Variants in CARNMT1 observed in about 807,000 individuals in gnomAD.
The protein encoded by CARNMT1 is carnosine N-methyltransferase 1.
A neutral mutation model predicts 49.6 loss-of-function variants in CARNMT1; 28 were observed. The ratio of observed to expected loss-of-function variants is 0.56; its 90% CI spans 0.42 to 0.77. The LOEUF (loss-of-function observed/expected upper bound fraction) is 0.77, where lower values mean the gene tolerates loss of function less well. Ranked by LOEUF, CARNMT1 falls within the 30% of genes least tolerant of loss-of-function variation. The pLI, the probability that CARNMT1 is intolerant of heterozygous loss-of-function variation, is 0.00. For missense variants in CARNMT1, 421 were observed against 512.6 expected (o/e 0.82, Z 1.73); for synonymous variants, 178 against 175.0 (o/e 1.02, Z -0.13).
intron 6 of CARNMT1, among the ~76,000 whole-genome samples, chr9:74,995,118 A>C (rs1833147967): frequency 1.3e-5 from 2 of 152,208 alleles, no homozygotes; most frequent in Admixed American, 1.3e-4. Context: ...AATACATAAA[A>C]CCTTACCATA....
intron 1 of CARNMT1, among the ~76,000 whole-genome samples, chr9:75,024,842 T>G (rs576695839): frequency 6.6e-6 from 1 of 152,312 alleles, no homozygotes; most frequent in South Asian, 2.1e-4. Context: ...CACACCTAAC[T>G]TTGATTCACC....
intron 3 of CARNMT1, among the ~76,000 whole-genome samples, chr9:75,009,408 T>C (rs905953588): frequency 7.2e-5 from 11 of 152,050 alleles, no homozygotes; most frequent in African/African-American, 2.4e-4. Flanking sequence ...AGTATTTTTT[T>C]TTTCTTTTCG....
At chr9:75,019,288 T>C (rs536073145) in intron 1 of CARNMT1, among the ~76,000 whole-genome samples, 20 of 152,314 alleles carry the variant, frequency 1.3e-4, no homozygotes, top group Non-Finnish European at 2.5e-4. Context: ...TGGTATGGCA[T>C]CTTATGACAA....
chr9:75,025,864 T>C (rs1026970765), intron 1 of CARNMT1, among the ~76,000 whole-genome samples: 9 of 152,198 alleles, frequency 5.9e-5, no homozygotes, highest in African/African-American at 1.7e-4. Flanking sequence ...CATGTAGCTA[T>C]TGAGCACCTG....
intron 5 of CARNMT1, 129 bp downstream of exon 5, chr9:74,998,469 A>C (rs1833260373): frequency 1.5e-6 from 1 of 681,682 alleles, no homozygotes; most frequent in Non-Finnish European, 2.2e-6. Flanking sequence ...AAACATTCTA[A>C]ATTGACACTG....
chr9:74,982,337 T>C lies in CARNMT1; in HGVS notation c.*1430A>G, dbSNP rs1587647381. ...AAGCAATCACAATCATCTGTGAAAATATTCAAGAAGAGTTCTTCCTTTTCT... is the reference window on the plus strand; with the variant it reads ...AAGCAATCACAATCATCTGTGAAAACATTCAAGAAGAGTTCTTCCTTTTCT... On this transcript the variant is annotated 3_prime_UTR_variant, in exon 8 of 8. Coordinates refer to ENST00000376834, the MANE Select transcript of CARNMT1 (RefSeq NM_152420.3). The C allele has an allele frequency of 6.6e-6, 1 of 152,192 alleles. No homozygotes were observed. The highest frequency in any genetic ancestry group is 1.9e-4 in the East Asian group (1 of 5,200). The allele number at this position is 152,192 out of a possible 1,614,324, so 9.4% of individuals were successfully genotyped here. A position where few individuals can be genotyped will look rare whatever the true frequency, so the allele number is the denominator to read the frequency against.
At position 74,985,335 on chromosome 9, in the gene CARNMT1, A is replaced by G. The variant is rs577073895; in HGVS notation, c.1025-325T>C. On this transcript the variant is annotated intron_variant, in intron 6 of 7. Transcript: ENST00000376834. ...CAAATTCCAAATGTATTCTGCAATT[A>G]TAATTCCATAAGCAAATGCAAAACT... 1.2e-4 allele frequency among the ~76,000 whole-genome samples: 18 copies of G among 152,360 alleles called. No homozygotes were observed. The East Asian group carries it at 3.1e-3, about 26-fold the overall frequency.
At chr9:75,020,734 G>T (rs1314464402) in intron 1 of CARNMT1, among the ~76,000 whole-genome samples, 1 of 152,078 alleles carries the variant, frequency 6.6e-6, no homozygotes, top group African/African-American at 2.4e-5. Flanking sequence ...CCAAAAACCT[G>T]GCTGGTCGCG....
intron 1 of CARNMT1, among the ~76,000 whole-genome samples, chr9:75,023,496 G>A (rs925170412): frequency 4.6e-5 from 7 of 152,200 alleles, no homozygotes; most frequent in Admixed American, 3.3e-4. Flanking sequence ...TGATACAGAA[G>A]TAACTACACA....
At chr9:74,990,282 T>TA (rs568453500) in intron 6 of CARNMT1, among the ~76,000 whole-genome samples, 1 of 152,062 alleles carries the variant, frequency 6.6e-6, no homozygotes, top group African/African-American at 2.4e-5. Flanking sequence ...GTAAAAATCT[T>TA]AAAAAAACAG....
intron 3 of CARNMT1, among the ~76,000 whole-genome samples, chr9:75,006,469 C>T (rs1161817705): frequency 6.6e-6 from 1 of 152,096 alleles, no homozygotes; most frequent in Non-Finnish European, 1.5e-5. Flanking sequence ...TTTGATAGCT[C>T]ACCTTATCTA....
At chr9:75,024,235 C>G (rs1427037481) in intron 1 of CARNMT1, among the ~76,000 whole-genome samples, 1 of 152,184 alleles carries the variant, frequency 6.6e-6, no homozygotes, top group Non-Finnish European at 1.5e-5. Context: ...CATTTTAAAT[C>G]TTTATTAAAT....
chr9:75,009,060 C>CTTTT (rs752851220), intron 3 of CARNMT1, among the ~76,000 whole-genome samples: 1 of 125,516 alleles, frequency 8.0e-6, no homozygotes, highest in Admixed American at 8.1e-5. Context: ...AAAGGACAGT[C>CTTTT]TTTTTTTTTT....
chr9:75,024,044 C>A (rs560886884), intron 1 of CARNMT1, among the ~76,000 whole-genome samples: 121 of 152,260 alleles, frequency 7.9e-4, no homozygotes, highest in Admixed American at 7.9e-3. Flanking sequence ...TCTCTAGAAA[C>A]CTGGTGTCAG....
chr9:74,984,158 A>C (rs779956834), intron 7 of CARNMT1, among the ~76,000 whole-genome samples: 16 of 152,234 alleles, frequency 1.1e-4, no homozygotes, highest in Non-Finnish European at 1.8e-4. Flanking sequence ...TGTTTCTAAA[A>C]TGGAATGCTT....
At position 74,986,217 on chromosome 9, in the gene CARNMT1, C is replaced by T. The variant is rs558511395; in HGVS notation, c.1025-1207G>A. On this transcript the variant is annotated intron_variant, in intron 6 of 7. Coordinates refer to ENST00000376834, the MANE Select transcript of CARNMT1 (RefSeq NM_152420.3). ...CCTACTCCCCATACAATGTGCTAAT[C>T]ATGGAAGACAGAAGTATTTAATAAC... Among the ~76,000 whole-genome samples the T allele has an allele frequency of 2.6e-5, 4 of 152,312 alleles. No homozygotes were observed. In the South Asian group the frequency reaches 8.3e-4, roughly 32 times the overall value.
intron 1 of CARNMT1, 72 bp from the exon 2 acceptor site, chr9:75,017,520 T>C: frequency 7.7e-7 from 1 of 1,293,640 alleles, no homozygotes; most frequent in Admixed American, 1.9e-5. Context: ...TTTAAGGTTG[T>C]CTTTCTGTAC....
At chr9:75,000,461 C>A (rs541684112) in intron 3 of CARNMT1, among the ~76,000 whole-genome samples, 1 of 152,038 alleles carries the variant, frequency 6.6e-6, no homozygotes, top group Non-Finnish European at 1.5e-5. Context: ...AAATATATTA[C>A]ACCAAACCAG....
chr9:75,023,458 T>C (rs1157766169), intron 1 of CARNMT1, among the ~76,000 whole-genome samples: 2 of 152,216 alleles, frequency 1.3e-5, no homozygotes, highest in East Asian at 1.9e-4. Context: ...AGATAAGTTA[T>C]AGATTGGTTA....
Sources: allele counts gnomAD v4.1 joint callset (sites outside exome capture counted in the v4.1 genomes callset), GRCh38; gene constraint gnomAD v4.1.1; transcripts MANE v1.5; gene names NCBI Gene and HGNC (gene_info 2026-07-23, HGNC 2026-07-21).